CASZ1: variants seen among roughly 807,000 people sequenced by gnomAD.
CASZ1 encodes zinc finger protein castor homolog 1.
CASZ1 carries 28 observed loss-of-function variants against 135.2 expected under a neutral mutation model. The observed-to-expected ratio is 0.21, with a 90% CI of 0.15 to 0.28. CASZ1 has a LOEUF of 0.28. Ranked by LOEUF, CASZ1 falls within the 10% of genes least tolerant of loss-of-function variation. The pLI is 1.00. For synonymous variants in CASZ1, 1,068 were observed against 1,073.4 expected (o/e 0.99, Z 0.10); for missense variants, 2,161 against 2,453.3 (o/e 0.88, Z 2.52).
rs1643107117 is a variant in CASZ1, at chr1:10,663,204, G to A, written c.505+1879C>T. 2.0e-5 allele frequency among the ~76,000 whole-genome samples: 3 copies of A among 152,162 alleles called. No individual in the cohort carries two copies. In the South Asian group the frequency reaches 6.2e-4, roughly 32 times the overall value. On this transcript the variant is annotated intron_variant, in intron 5 of 20. Transcript: ENST00000377022. ...GGGGGGTCTCCTCCCAGGCGAACCT[G>A]CCAGGTCTGGGATCCTCAGAGACAC... is the stretch of plus-strand genomic sequence containing the variant.
At chr1:10,769,163 C>A (rs963649570) in intron 1 of CASZ1, among the ~76,000 whole-genome samples, 1 of 152,066 alleles carries the variant, frequency 6.6e-6, no homozygotes, top group African/African-American at 2.4e-5. Flanking sequence ...AAAGAAAACT[C>A]AAGCCAGTAA....
At chr1:10,687,206 G>A (rs986399948) in intron 4 of CASZ1, among the ~76,000 whole-genome samples, 2 of 152,120 alleles carry the variant, frequency 1.3e-5, no homozygotes, top group Admixed American at 6.5e-5. Flanking sequence ...TTAGATCACT[G>A]AAAGAGCCCC....
At position 10,739,282 on chromosome 1, in the gene CASZ1, G is replaced by C. The variant is rs1188898771; in HGVS notation, c.-77+21419C>G. On this transcript the variant is annotated intron_variant, in intron 2 of 20. Coordinates refer to ENST00000377022, the MANE Select transcript of CASZ1 (RefSeq NM_001079843.3). The surrounding 1 kb of genome is among the most constrained non-coding windows in gnomAD (Gnocchi z 4.8). ...TGTGCGCCTGGGGGTCACCCCTGCT[G>C]TCTCTCTGGGTAGGGGTGCAGGTGA... is the stretch of plus-strand genomic sequence containing the variant. 6.6e-6 allele frequency among the ~76,000 whole-genome samples: 1 copy of C among 152,108 alleles called. No individual in the cohort carries two copies. Among genetic ancestry groups the C allele is most frequent in the Non-Finnish European group, 1.5e-5 (1 of 68,010 alleles).
chr1:10,712,857 T>G (rs1213800682), intron 2 of CASZ1, among the ~76,000 whole-genome samples: 1 of 152,228 alleles, frequency 6.6e-6, no homozygotes, highest in Non-Finnish European at 1.5e-5. Context: ...AGATAACTTT[T>G]GCTGCCGCTC....
chr1:10,719,991 A>C lies in CASZ1; in HGVS notation c.-76-14447T>G, dbSNP rs1452031136. Among the ~76,000 whole-genome samples, 1 of 152,222 alleles carries C rather than the reference A, an allele frequency of 6.6e-6. No individual in the cohort carries two copies. The highest frequency in any genetic ancestry group is 1.5e-5 in the Non-Finnish European group (1 of 68,028). On this transcript the variant is annotated intron_variant, in intron 2 of 20. Transcript: ENST00000377022. This position sits in a 1 kb window ranked among gnomAD's most constrained non-coding sequence, Gnocchi z 4.0. The stretch of plus-strand genomic sequence containing the variant: ...CCAGGGTGCGGTGTGTTTGCGCACA[A>C]AAAGAATAGTCAGCTGGGATCAAAC...
At position 10,754,946 on chromosome 1, in the gene CASZ1, C is replaced by T. The variant is rs192970239; in HGVS notation, c.-77+5755G>A. Among the ~76,000 whole-genome samples, 311 of 152,354 alleles carry T rather than the reference C, an allele frequency of 2.0e-3. 2 individuals are homozygous for T. Among genetic ancestry groups the T allele is most frequent in the Non-Finnish European group, 3.4e-3 (234 of 68,038 alleles). On this transcript the variant is annotated intron_variant, in intron 2 of 20. Coordinates refer to ENST00000377022, the MANE Select transcript of CASZ1 (RefSeq NM_001079843.3). ...AAACTAGTGTTTAATTACACCTTTC[C>T]TCCTCTTACCCCGTTGGCCACGGGG...
In CASZ1 at chr1:10,693,805, A is replaced by T; in HGVS notation, c.16+69T>A. ...CCGCCGCCACCTCATTGGGCTAAAA[A>T]TAAGAACTTCCGTAAAAGAAGCGAA... On this transcript the variant is annotated intron_variant, in intron 4 of 20. Coordinates refer to ENST00000377022, the MANE Select transcript of CASZ1 (RefSeq NM_001079843.3). The T allele has an allele frequency of 2.0e-6, 3 of 1,478,880 alleles. 1 individual carries two copies. The highest frequency in any genetic ancestry group is 3.3e-5 in the Admixed American group (2 of 59,808). 91.6% of individuals were successfully genotyped at this position (1,478,880 alleles called of 1,614,324 possible). A position where few individuals can be genotyped will look rare whatever the true frequency, so the allele number is the denominator to read the frequency against.
At position 10,741,888 on chromosome 1, in the gene CASZ1, T is replaced by C. The variant is rs1249116283; in HGVS notation, c.-77+18813A>G. ...AGTTTGTGCGTATCTGTGTGTTTTT[T>C]CCCCCAAAGCCAGGAGAGATCTAGA... On this transcript the variant is annotated intron_variant, in intron 2 of 20. Coordinates refer to ENST00000377022, the MANE Select transcript of CASZ1 (RefSeq NM_001079843.3). The surrounding 1 kb of genome is among the most constrained non-coding windows in gnomAD (Gnocchi z 5.0). Among the ~76,000 whole-genome samples the C allele has an allele frequency of 2.0e-5, 3 of 152,026 alleles. No individual in the cohort carries two copies. Among genetic ancestry groups the C allele is most frequent in the Non-Finnish European group, 2.9e-5 (2 of 68,028 alleles).
intron 1 of CASZ1, among the ~76,000 whole-genome samples, chr1:10,782,151 A>G (rs1640774125): frequency 6.6e-6 from 1 of 152,236 alleles, no homozygotes; most frequent in Admixed American, 6.5e-5. Context: ...AAGAGTTGCT[A>G]TGTCACAAAT....
chr1:10,743,038 G>A (rs1014304191), intron 2 of CASZ1, among the ~76,000 whole-genome samples: 6 of 152,132 alleles, frequency 3.9e-5, no homozygotes, highest in Non-Finnish European at 2.9e-5. Flanking sequence ...CAGTTCCTGG[G>A]GGTGGAGCAG....
chr1:10,778,413 C>T (rs1640699995), intron 1 of CASZ1, among the ~76,000 whole-genome samples: 1 of 152,074 alleles, frequency 6.6e-6, no homozygotes, highest in African/African-American at 2.4e-5. Context: ...CACAATCTTA[C>T]AATCACACAC....
At chr1:10,662,495 T>A (rs1369857203) in intron 5 of CASZ1, among the ~76,000 whole-genome samples, 2 of 150,872 alleles carry the variant, frequency 1.3e-5, no homozygotes, top group Non-Finnish European at 3.0e-5. Flanking sequence ...ATCACATACA[T>A]AAACCCACAC....
At position 10,687,100 on chromosome 1, in the gene CASZ1, C is replaced by T. The variant is rs532708170; in HGVS notation, c.16+6774G>A. Among the ~76,000 whole-genome samples the T allele has an allele frequency of 2.0e-5, 3 of 152,316 alleles. No individual in the cohort carries two copies. In the South Asian group the frequency reaches 6.2e-4, roughly 32 times the overall value. ...TCCCAACAGGCCTCTGGGACGCCTC[C>T]TGCTCTCCCGCTGCACTAGGGTCCC... On this transcript the variant is annotated intron_variant, in intron 4 of 20. Transcript: ENST00000377022.
chr1:10,743,903 G>GA (rs2100539068), intron 2 of CASZ1, among the ~76,000 whole-genome samples: 1 of 151,888 alleles, frequency 6.6e-6, no homozygotes, highest in South Asian at 2.1e-4. Flanking sequence ...GGGCGGCGGG[G>GA]GGAGGCAGGC....
In CASZ1 at chr1:10,725,058, G is replaced by A. The variant is rs1639571781; in HGVS notation, c.-76-19514C>T. ...AGCCCACAGAGGACGGAGGGAAGCAGCCCTCGCAGACGTGCAGGTGGCTGT... is the reference window on the plus strand; with the variant it reads ...AGCCCACAGAGGACGGAGGGAAGCAACCCTCGCAGACGTGCAGGTGGCTGT... On this transcript the variant is annotated intron_variant, in intron 2 of 20. Coordinates refer to ENST00000377022, the MANE Select transcript of CASZ1 (RefSeq NM_001079843.3). This position sits in a 1 kb window ranked among gnomAD's most constrained non-coding sequence, Gnocchi z 4.4. Among the ~76,000 whole-genome samples, 1 of 152,244 alleles carries A rather than the reference G, an allele frequency of 6.6e-6. No homozygotes were observed. The highest frequency in any genetic ancestry group is 6.5e-5 in the Admixed American group (1 of 15,288).
chr1:10,701,301 G>A lies in CASZ1; in HGVS notation c.-24+4191C>T, dbSNP rs1033559537. On this transcript the variant is annotated intron_variant, in intron 3 of 20. Coordinates refer to ENST00000377022, the MANE Select transcript of CASZ1 (RefSeq NM_001079843.3). This position sits in a 1 kb window ranked among gnomAD's most constrained non-coding sequence, Gnocchi z 6.3. The stretch of plus-strand genomic sequence containing the variant: ...TTCCCGTGCGCACTCTCCCTGTCTC[G>A]CAGACACTCATATTCTCCATGTGCA... Among the ~76,000 whole-genome samples, 3 of 152,164 alleles carry A rather than the reference G, an allele frequency of 2.0e-5. No individual in the cohort carries two copies. The highest frequency in any genetic ancestry group is 4.4e-5 in the Non-Finnish European group (3 of 68,036).
chr1:10,703,279 G>A lies in CASZ1; in HGVS notation c.-24+2213C>T, dbSNP rs11804780. Reference sequence around the variant, plus strand: ...CACCTTGGCCCACAGCAGTAGAACCGGGCCAGGGCGGCCTTGGTCCCTGGT... The same window carrying A: ...CACCTTGGCCCACAGCAGTAGAACCAGGCCAGGGCGGCCTTGGTCCCTGGT... On this transcript the variant is annotated intron_variant, in intron 3 of 20. Coordinates refer to ENST00000377022, the MANE Select transcript of CASZ1 (RefSeq NM_001079843.3). Among the ~76,000 whole-genome samples the A allele has an allele frequency of 5.6e-3, 852 of 152,206 alleles. 8 individuals are homozygous for A. Among genetic ancestry groups the A allele is most frequent in the African/African-American group, 0.018 (761 of 41,498 alleles).
intron 4 of CASZ1, among the ~76,000 whole-genome samples, chr1:10,687,974 C>T (rs148329641): frequency 1.3e-5 from 2 of 152,368 alleles, no homozygotes; most frequent in Non-Finnish European, 2.9e-5. Flanking sequence ...CTGCCTTCCT[C>T]CTTCTGCCCC....
chr1:10,656,781 G>A, intron 7 of CASZ1, 45 bp from the exon 8 acceptor site: 1 of 1,330,314 alleles, frequency 7.5e-7, no homozygotes, highest in Non-Finnish European at 1.1e-6. Flanking sequence ...GTGGGTGACA[G>A]TCCCAGCCCC....
Sources: gnomAD v4.1 joint callset for allele counts (sites outside exome capture counted in the v4.1 genomes callset) on GRCh38, gnomAD v4.1.1 for gene constraint, Gnocchi (gnomAD v3.1) non-coding constraint, MANE v1.5 for transcripts, NCBI Gene and HGNC (gene_info 2026-07-23, HGNC 2026-07-21) for gene names.